Variants in UBE2G2 observed in about 807,000 individuals in gnomAD.
UBE2G2 encodes ubiquitin conjugating enzyme E2 G2.
In UBE2G2, 10 loss-of-function variants were observed where a neutral mutation model predicts 23.0. The observed-to-expected ratio is 0.43, with a 90% CI of 0.27 to 0.74. UBE2G2 has a LOEUF of 0.74. Ranked by LOEUF, UBE2G2 falls within the 30% of genes least tolerant of loss-of-function variation. The pLI is 0.19. For synonymous variants in UBE2G2, 86 were observed against 81.3 expected (o/e 1.06, Z -0.31); for missense variants, 150 against 218.3 (o/e 0.69, Z 1.97).
intron 3 of UBE2G2, among the ~76,000 whole-genome samples, chr21:44,781,750 T>G (rs2082958489): frequency 6.6e-6 from 1 of 152,150 alleles, no homozygotes; most frequent in Non-Finnish European, 1.5e-5. Flanking sequence ...TGTGGTGTTC[T>G]AAGCACCCCA....
At chr21:44,791,654 G>A (rs1380894718) in intron 1 of UBE2G2, among the ~76,000 whole-genome samples, 1 of 152,230 alleles carries the variant, frequency 6.6e-6, no homozygotes, top group Non-Finnish European at 1.5e-5. Context: ...GGGCCCTCAT[G>A]GAGAACATCT....
intron 3 of UBE2G2, among the ~76,000 whole-genome samples, chr21:44,784,254 G>A (rs914425331): frequency 9.2e-5 from 14 of 151,960 alleles, no homozygotes; most frequent in East Asian, 5.8e-4. Context: ...ACGGACAGAC[G>A]GTTCCAGACC....
chr21:44,773,480 G>A (rs553489785), intron 5 of UBE2G2, 67 bp downstream of exon 5: 290 of 1,533,096 alleles, frequency 1.9e-4, no homozygotes, highest in Non-Finnish European at 2.4e-4. Context: ...ACAGGATGAC[G>A]CAAGGCTGGA....
intron 1 of UBE2G2, among the ~76,000 whole-genome samples, chr21:44,789,680 G>A (rs1389064852): frequency 6.6e-6 from 1 of 152,034 alleles, no homozygotes; most frequent in African/African-American, 2.4e-5. Context: ...ATCAAAATAG[G>A]TAAGAAGAAA....
intron 4 of UBE2G2, 92 bp from the exon 5 acceptor site, chr21:44,773,779 A>G: frequency 6.6e-7 from 1 of 1,510,956 alleles, no homozygotes; most frequent in Non-Finnish European, 8.9e-7. Context: ...GAGAACAAAG[A>G]CTGCAGACAC....
chr21:44,798,971 A>T (rs1555964301), intron 1 of UBE2G2, among the ~76,000 whole-genome samples: 3 of 152,220 alleles, frequency 2.0e-5, no homozygotes, highest in African/African-American at 7.2e-5. Context: ...TGGGCTGCAG[A>T]ATTGGTGTTG....
chr21:44,790,411 C>A (rs1422002260), intron 1 of UBE2G2, among the ~76,000 whole-genome samples: 3 of 152,216 alleles, frequency 2.0e-5, no homozygotes, highest in African/African-American at 7.2e-5. Context: ...TAGCCCCAAA[C>A]TGGAAACAAC....
At chr21:44,773,435 AACTAACT>A (rs2082888912) in intron 5 of UBE2G2, 105 bp downstream of exon 5, 1 of 1,369,894 alleles carries the variant, frequency 7.3e-7, no homozygotes, top group Non-Finnish European at 9.7e-7. Context: ...AGCATGTGTA[AACTAACT>A]GCAAATGAGG....
At chr21:44,785,324 GA>G (rs1257512313) in intron 3 of UBE2G2, among the ~76,000 whole-genome samples, 5 of 152,152 alleles carry the variant, frequency 3.3e-5, no homozygotes, top group Non-Finnish European at 5.9e-5. Context: ...GGTGTTTAAA[GA>G]CACAGCCTGC....
intron 4 of UBE2G2, 63 bp downstream of exon 4, chr21:44,777,236 G>C: frequency 3.0e-6 from 4 of 1,339,924 alleles, no homozygotes; most frequent in Non-Finnish European, 4.3e-6. Context: ...CATTTCAGGT[G>C]GCTGATAATA....
intron 3 of UBE2G2, among the ~76,000 whole-genome samples, chr21:44,786,927 A>G (rs2083000656): frequency 6.6e-6 from 1 of 152,134 alleles, no homozygotes; most frequent in Admixed American, 6.5e-5. Flanking sequence ...CCCTGTCTCT[A>G]CTAAAAATAC....
At chr21:44,778,447 T>C (rs727608) in intron 3 of UBE2G2, among the ~76,000 whole-genome samples, 15,743 of 152,226 alleles carry the variant, frequency 0.1, 942 homozygotes, top group African/African-American at 0.13. Flanking sequence ...ATGGAAGAAA[T>C]AGATGAAACC....
intron 4 of UBE2G2, chr21:44,775,100 C>G (rs2082903790): frequency 6.2e-6 from 1 of 161,522 alleles, no homozygotes; most frequent in African/African-American, 2.4e-5. Context: ...CAATGGAGTT[C>G]CGCCACTCCC....
rs1555962338 is a variant in UBE2G2, at chr21:44,787,940, A to G, written c.105T>C (p.Phe35=). Residue 35 remains phenylalanine, a synonymous_variant, in exon 3 of 6, where the codon TTT becomes TTC. Coordinates refer to ENST00000345496, the MANE Select transcript of UBE2G2 (RefSeq NM_003343.6). ...VAGPMNEENF[F]EWEALIMGPE... is the part of the protein sequence containing the mutation. The stretch of plus-strand genomic sequence containing the variant: ...CTTACATGATCAATGCCTCCCATTC[A>G]AAAAAGTTCTCTTCATTCATGGGGC... The G allele has an allele frequency of 3.1e-6, 5 of 1,613,948 alleles. No homozygotes were observed. The Admixed American group carries it at 8.3e-5, about 27-fold the overall frequency.
intron 1 of UBE2G2, among the ~76,000 whole-genome samples, chr21:44,792,360 G>A (rs889831171): frequency 1.2e-4 from 19 of 152,166 alleles, no homozygotes; most frequent in African/African-American, 4.3e-4. Flanking sequence ...ACCTTGACTT[G>A]TAATCCCCAA....
At chr21:44,773,879 A>T in intron 4 of UBE2G2, 192 bp from the exon 5 acceptor site, 1 of 679,236 alleles carries the variant, frequency 1.5e-6, no homozygotes. Context: ...GGGCCTGCTC[A>T]CTCACTGACA....
intron 4 of UBE2G2, 85 bp downstream of exon 4, chr21:44,777,214 T>C (rs1261193987): frequency 5.2e-6 from 6 of 1,147,926 alleles, no homozygotes; most frequent in African/African-American, 1.5e-5. Context: ...CATAGACATA[T>C]AGAATATACC....
chr21:44,788,145 T>C lies in UBE2G2; in HGVS notation c.44-50A>G, dbSNP rs1555962377. 3 of 1,522,312 alleles carry C rather than the reference T, an allele frequency of 2.0e-6. No homozygotes were observed. The Admixed American group carries it at 6.3e-5, about 32-fold the overall frequency. 94.3% of individuals were successfully genotyped at this position (1,522,312 alleles called of 1,614,324 possible). Reference sequence around the variant, plus strand: ...TTACCAAACAGAATAAATGTTACATTGTCATTTTAACAAAACACCTTTACA... The same window carrying C: ...TTACCAAACAGAATAAATGTTACATCGTCATTTTAACAAAACACCTTTACA... On this transcript the variant is annotated intron_variant, in intron 1 of 5. Transcript: ENST00000345496.
intron 3 of UBE2G2, among the ~76,000 whole-genome samples, chr21:44,779,824 T>C (rs2082942881): frequency 6.6e-6 from 1 of 152,226 alleles, no homozygotes; most frequent in African/African-American, 2.4e-5. Flanking sequence ...AATGACTTAG[T>C]CAAGGTCCTA....
Sources: allele counts gnomAD v4.1 joint callset (sites outside exome capture counted in the v4.1 genomes callset), GRCh38; gene constraint gnomAD v4.1.1; transcripts MANE v1.5; gene names NCBI Gene and HGNC (gene_info 2026-07-23, HGNC 2026-07-21).